CCAR2: variants seen among roughly 807,000 people sequenced by gnomAD.
CCAR2 encodes the protein cell cycle and apoptosis regulator 2, also known as cell cycle and apoptosis regulator protein 2.
Under a neutral mutation model 108.1 loss-of-function variants are expected in CCAR2, and 21 were observed. That is an observed-to-expected ratio of 0.19 (90% CI 0.14 to 0.28). The LOEUF (loss-of-function observed/expected upper bound fraction) is 0.28. Among genes scored for constraint, CCAR2 ranks in the 10% least tolerant of loss-of-function variants. CCAR2 has a pLI of 1.00. For missense variants in CCAR2, 1,126 were observed against 1,177.0 expected, an observed-to-expected ratio of 0.96 and a Z score of 0.63; for synonymous variants, 577 against 472.8, an observed-to-expected ratio of 1.22 and a Z score of -2.86.
chr8:22,615,778 G>C lies in CCAR2; in HGVS notation c.1474G>C (p.Glu492Gln), dbSNP rs765368730. The C allele has an allele frequency of 1.2e-6, 2 of 1,613,940 alleles. No individual in the cohort carries two copies. The highest frequency in any genetic ancestry group is 1.7e-6 in the Non-Finnish European group (2 of 1,180,018). Reference protein sequence around the residue: ...AETPEATTQQETDTDLPEAPP... With the variant: ...AETPEATTQQQTDTDLPEAPP... ...AACTCCAGAGGCCACCACACAGCAG[G>C]AAACGGACACTGATCTCCCAGAGGC... Residue 492 changes from glutamate (E) to glutamine (Q), a missense_variant, in exon 13 of 21, where the codon GAA (glutamate) becomes CAA (glutamine). By Grantham distance (29) the Glu-to-Gln change is conservative. Around this residue, in one of 4 missense-constraint regions of CCAR2, gnomAD observed 1,013 missense variants for 993.9 expected, o/e 1.02. Coordinates refer to ENST00000308511, the MANE Select transcript of CCAR2 (RefSeq NM_001393997.1).
downstream of CCAR2, chr8:22,620,473 TGA>T (rs1183376800): frequency 1.2e-3 from 160 of 129,974 alleles, no homozygotes; most frequent in African/African-American, 4.1e-3. Flanking sequence ...AAAAACAAAC[TGA>T]GAGTGTGTCC....
rs1454282752 is a variant in CCAR2, at chr8:22,619,371, A to G, written c.2727+16A>G. On this transcript the variant is annotated intron_variant, in intron 20 of 20. Coordinates refer to ENST00000308511, the MANE Select transcript of CCAR2 (RefSeq NM_001393997.1). Reference sequence around the variant, plus strand: ...GGTGGAAAAGGTAAGGTGGGGGTGGACCAGGAGGCAGCACAGCTCCTTTCC... The same window carrying G: ...GGTGGAAAAGGTAAGGTGGGGGTGGGCCAGGAGGCAGCACAGCTCCTTTCC... 1.3e-6 allele frequency: 2 copies of G among 1,551,826 alleles called. No individual in the cohort carries two copies.
chr8:22,616,320 C>T (rs970834415), intron 14 of CCAR2, 72 bp downstream of exon 14: 36 of 1,423,092 alleles, frequency 2.5e-5, no homozygotes, highest in South Asian at 5.9e-5. Context: ...GGCTCTGTTC[C>T]GAGCGCTTCC....
intron 7 of CCAR2, among the ~76,000 whole-genome samples, chr8:22,611,942 T>C (rs1801298648): frequency 8.0e-6 from 1 of 125,302 alleles, no homozygotes; most frequent in South Asian, 2.7e-4. Context: ...TGTAACTGTC[T>C]CTCTTTTTTT....
In CCAR2 at chr8:22,617,744, A is replaced by C. The variant is rs1375305549; in HGVS notation, c.2039A>C (p.Gln680Pro). 3 of 1,613,918 alleles carry C rather than the reference A, an allele frequency of 1.9e-6. No individual in the cohort carries two copies. Among genetic ancestry groups the C allele is most frequent in the African/African-American group, 1.3e-5 (1 of 74,900 alleles). ...GAGGTCCGGTCCGTTGCCTCAAACC[A>C]GTCAGAGATGGAGTTCTCTTCACTT... ...DSEVRSVASN[Q>P]SEMEFSSLQD... Residue 680 changes from glutamine to proline, a missense_variant, in exon 16 of 21, where the codon CAG becomes CCG. Physicochemically the swap from Gln to Pro is moderately conservative, Grantham distance 76. Coordinates refer to ENST00000308511, the MANE Select transcript of CCAR2 (RefSeq NM_001393997.1).
At chr8:22,616,293 C>G (rs138768890) in intron 14 of CCAR2, 45 bp downstream of exon 14, 1 of 1,558,600 alleles carries the variant, frequency 6.4e-7, no homozygotes, top group Non-Finnish European at 8.8e-7. Context: ...TTACCGTGAC[C>G]GCGCACCTTT....
chr8:22,617,307 G>A lies in CCAR2; in HGVS notation c.1846-113G>A, dbSNP rs1234245662. The A allele has an allele frequency of 7.4e-6, 9 of 1,222,954 alleles. No individual in the cohort carries two copies. The East Asian group carries it at 1.7e-4, about 23-fold the overall frequency. The allele number at this position is 1,222,954 out of a possible 1,614,324, so 75.8% of individuals were successfully genotyped here. On this transcript the variant is annotated intron_variant, in intron 14 of 20. Coordinates refer to ENST00000308511, the MANE Select transcript of CCAR2 (RefSeq NM_001393997.1). Reference sequence around the variant, plus strand: ...CATGAAATGAGACGGTATCTGTAGAGCCCTCCATACAGTGCCTGGGGCATA... The same window carrying A: ...CATGAAATGAGACGGTATCTGTAGAACCCTCCATACAGTGCCTGGGGCATA...
At chr8:22,615,034 A>T (rs1253030541) in intron 11 of CCAR2, 33 bp downstream of exon 11, 1 of 1,517,796 alleles carries the variant, frequency 6.6e-7, no homozygotes, top group Non-Finnish European at 8.8e-7. Flanking sequence ...AGCTGCACCA[A>T]CGCACCAGGT....
chr8:22,606,813 G>T (rs1252745070), intron 4 of CCAR2, 97 bp from the exon 5 acceptor site: 5 of 1,492,638 alleles, frequency 3.3e-6, no homozygotes, highest in East Asian at 2.3e-5. Flanking sequence ...TGTGCAAGGT[G>T]TGGGAAATCT....
chr8:22,619,873 G>A lies in CCAR2; in HGVS notation c.*191G>A, dbSNP rs1801695664. 2 of 605,960 alleles carry A rather than the reference G, an allele frequency of 3.3e-6. No homozygotes were observed. The highest frequency in any genetic ancestry group is 5.9e-6 in the Non-Finnish European group (2 of 341,204). The allele number at this position is 605,960 out of a possible 1,614,324, so 37.5% of individuals were successfully genotyped here. ...TGTGCTATGTGGGATGGATGTGTGA[G>A]GAACCCCGGTTCCACTTAACAACTA... is the stretch of plus-strand genomic sequence containing the variant. On this transcript the variant is annotated 3_prime_UTR_variant, in exon 21 of 21. Coordinates refer to ENST00000308511, the MANE Select transcript of CCAR2 (RefSeq NM_001393997.1).
At chr8:22,611,321 A>C (rs918171902) in intron 7 of CCAR2, among the ~76,000 whole-genome samples, 1 of 149,618 alleles carries the variant, frequency 6.7e-6, no homozygotes, top group Non-Finnish European at 1.5e-5. Flanking sequence ...AGATCACGCC[A>C]CTGCATTCCT....
intron 7 of CCAR2, 111 bp from the exon 8 acceptor site, chr8:22,612,906 C>T: frequency 8.5e-7 from 1 of 1,178,202 alleles, no homozygotes; most frequent in Non-Finnish European, 1.2e-6. Flanking sequence ...GATTCTTTTT[C>T]CATTTATTGA....
rs200712248 is a variant in CCAR2 at position 22,620,147 on chromosome 8, C to T, written c.*465C>T. The T allele has an allele frequency of 3.1e-4, 51 of 164,548 alleles. No homozygotes were observed. The highest frequency in any genetic ancestry group is 7.4e-4 in the African/African-American group (31 of 41,860). The allele number at this position is 164,548 out of a possible 1,614,324, so 10.2% of individuals were successfully genotyped here. ...GGATGGCACAGGCTCTGCTAGGTTC[C>T]GGACACAGGCTTCTGGGGGAAGGGT... is the stretch of plus-strand genomic sequence containing the variant. On this transcript the variant is annotated 3_prime_UTR_variant, in exon 21 of 21. Transcript: ENST00000308511.
rs1585166650 is a variant in CCAR2 at position 22,618,420 on chromosome 8, C to A, written c.2145C>A (p.Asn715Lys). The change falls in exon 17 of 21, where the codon AAC becomes AAA. Residue 715 changes from asparagine (N) to lysine (K), a missense_variant. Around this residue, in one of 4 missense-constraint regions of CCAR2, gnomAD observed 1,013 missense variants for 993.9 expected, o/e 1.02. Coordinates refer to ENST00000308511, the MANE Select transcript of CCAR2 (RefSeq NM_001393997.1). Reference sequence around the variant, plus strand: ...TTGCTTTTGTGTTCTTTGATGCCAACTGGTGTGGCTACTTGCACCGGCGAG... The same window carrying A: ...TTGCTTTTGTGTTCTTTGATGCCAAATGGTGTGGCTACTTGCACCGGCGAG... ...CLLAFVFFDA[N>K]WCGYLHRRDL... is the part of the protein sequence containing the mutation. The A allele has an allele frequency of 6.2e-7, 1 of 1,614,230 alleles. No individual in the cohort carries two copies. The highest frequency in any genetic ancestry group is 8.5e-7 in the Non-Finnish European group (1 of 1,180,044).
In CCAR2 at chr8:22,615,436, C is replaced by T. The variant is rs150957244; in HGVS notation, c.1217C>T (p.Ala406Val). ...TTTGCCATGTGCAGGTGGCGCTTTGCCGAGTTTCAGTACCTGCAGCCGGGA... is the reference window on the plus strand; with the variant it reads ...TTTGCCATGTGCAGGTGGCGCTTTGTCGAGTTTCAGTACCTGCAGCCGGGA... ...LSGCTKWWRF[A>V]EFQYLQPGPP... The change falls in exon 12 of 21, where the codon GCC becomes GTC. Residue 406 changes from alanine (A) to valine (V), a missense_variant. Coordinates refer to ENST00000308511, the MANE Select transcript of CCAR2 (RefSeq NM_001393997.1). 3,408 of 1,613,406 alleles carry T rather than the reference C, an allele frequency of 2.1e-3. 6 individuals are homozygous for T. Among genetic ancestry groups the T allele is most frequent in the Non-Finnish European group, 2.6e-3 (3,029 of 1,179,750 alleles).
chr8:22,605,562 A>C, intron 1 of CCAR2, 174 bp from the exon 2 acceptor site: 1 of 581,052 alleles, frequency 1.7e-6, no homozygotes. Context: ...GGAACAATGT[A>C]ATTTCTTGTT....
At chr8:22,606,057 C>T in intron 2 of CCAR2, 28 bp from the exon 3 acceptor site, 1 of 1,592,514 alleles carries the variant, frequency 6.3e-7, no homozygotes, top group Non-Finnish European at 8.6e-7. Context: ...AGGGGCGGTT[C>T]CTGGAGATTG....
At chr8:22,610,898 T>C (rs1345844037) in intron 7 of CCAR2, among the ~76,000 whole-genome samples, 1 of 152,202 alleles carries the variant, frequency 6.6e-6, no homozygotes, top group East Asian at 1.9e-4. Context: ...TTATAATGAA[T>C]GGTCTAAAGG....
At chr8:22,620,906 C>T (rs1801771221), downstream of CCAR2, 1 of 152,956 alleles carries the variant, frequency 6.5e-6, no homozygotes, top group East Asian at 1.9e-4. Flanking sequence ...CAAGGGTGCC[C>T]TTTGTCTTGC....
Sources: gnomAD v4.1 joint callset for allele counts (sites outside exome capture counted in the v4.1 genomes callset) on GRCh38, gnomAD v4.1.1 for gene constraint, gnomAD v4.1.1 regional missense constraint, MANE v1.5 for transcripts, NCBI Gene and HGNC (gene_info 2026-07-23, HGNC 2026-07-21) for gene names.